Variants in TEX36 observed in about 807,000 individuals in gnomAD.
The protein encoded by TEX36 is testis-expressed protein 36.
A neutral mutation model predicts 13.6 loss-of-function variants in TEX36; 12 were observed. The observed-to-expected ratio is 0.88, with a 90% CI of 0.56 to 1.43. TEX36 has a LOEUF of 1.43. TEX36 is among the 40% of genes most tolerant of loss of function. The pLI, the probability that TEX36 is intolerant of heterozygous loss-of-function variation, is 0.00. For missense variants in TEX36, 224 were observed against 228.3 expected, an observed-to-expected ratio of 0.98 and a Z score of 0.12; for synonymous variants, 93 against 83.0, an observed-to-expected ratio of 1.12 and a Z score of -0.65.
intron 1 of TEX36, among the ~76,000 whole-genome samples, chr10:125,681,745 CACAT>C (rs1257304039): frequency 6.6e-6 from 1 of 152,140 alleles, no homozygotes; most frequent in Non-Finnish European, 1.5e-5. Context: ...CGTATATGTA[CACAT>C]ACATACAAAG....
At chr10:125,663,646 T>G (rs1296409405) in intron 1 of TEX36, among the ~76,000 whole-genome samples, 1 of 152,236 alleles carries the variant, frequency 6.6e-6, no homozygotes, top group Non-Finnish European at 1.5e-5. Context: ...CCCCTGATGA[T>G]TAGTGATGTT....
At chr10:125,584,595 G>GT (rs1845921070) in intron 3 of TEX36, among the ~76,000 whole-genome samples, 1 of 152,188 alleles carries the variant, frequency 6.6e-6, no homozygotes, top group Non-Finnish European at 1.5e-5. Context: ...GCTAATTAAG[G>GT]TTAAATGACA....
intron 3 of TEX36, among the ~76,000 whole-genome samples, chr10:125,611,192 C>T (rs997161198): frequency 6.6e-5 from 10 of 152,162 alleles, no homozygotes; most frequent in Non-Finnish European, 1.5e-4. Context: ...GGTTAATATC[C>T]TTCACGCAAT....
At chr10:125,676,734 G>T (rs1455921632) in intron 1 of TEX36, among the ~76,000 whole-genome samples, 1 of 151,914 alleles carries the variant, frequency 6.6e-6, no homozygotes, top group East Asian at 1.9e-4. Flanking sequence ...GTGGTTCGGT[G>T]GATTTCTGTA....
In TEX36 at chr10:125,682,930, C is replaced by G. The variant is rs975291570; in HGVS notation, c.51+9G>C. The G allele has an allele frequency of 6.4e-7, 1 of 1,551,770 alleles. No homozygotes were observed. The highest frequency in any genetic ancestry group is 1.7e-4 in the Middle Eastern group (1 of 5,992). ...TGAGAAAGGCACCAGGGGCCACCAT[C>G]TTCCTTACCCATCTCCCATCCTTGT... On this transcript the variant is annotated intron_variant, in intron 1 of 3. Coordinates refer to ENST00000368821, the MANE Select transcript of TEX36 (RefSeq NM_001128202.3).
intron 3 of TEX36, among the ~76,000 whole-genome samples, chr10:125,635,568 T>A (rs1393193119): frequency 6.6e-6 from 1 of 152,158 alleles, no homozygotes; most frequent in Non-Finnish European, 1.5e-5. Context: ...AGGCAGGGCA[T>A]CTCGTGCTGG....
At chr10:125,675,181 C>T (rs1847292593) in intron 1 of TEX36, among the ~76,000 whole-genome samples, 1 of 152,220 alleles carries the variant, frequency 6.6e-6, no homozygotes, top group Non-Finnish European at 1.5e-5. Flanking sequence ...CCAGCTTAAA[C>T]AGGCAGTCTG....
At chr10:125,584,113 C>T (rs530465556) in intron 3 of TEX36, among the ~76,000 whole-genome samples, 2 of 152,356 alleles carry the variant, frequency 1.3e-5, no homozygotes, top group African/African-American at 4.8e-5. Flanking sequence ...ACATGAAAGA[C>T]CACCTCGAGA....
chr10:125,625,744 C>T (rs776758716), intron 3 of TEX36, among the ~76,000 whole-genome samples: 10 of 152,256 alleles, frequency 6.6e-5, no homozygotes, highest in Non-Finnish European at 1.5e-4. Flanking sequence ...ACCCCAGAGG[C>T]GCAGCCCTGG....
chr10:125,644,428 A>C (rs552092354), intron 3 of TEX36, among the ~76,000 whole-genome samples: 1 of 152,090 alleles, frequency 6.6e-6, no homozygotes, highest in Non-Finnish European at 1.5e-5. Flanking sequence ...GAAAACTGAA[A>C]ATAAAAAAAA....
intron 3 of TEX36, among the ~76,000 whole-genome samples, chr10:125,630,581 G>A (rs1846540303): frequency 6.6e-6 from 1 of 152,170 alleles, no homozygotes; most frequent in African/African-American, 2.4e-5. Flanking sequence ...GACACAAAGG[G>A]CCAGTTCTTA....
At chr10:125,603,700 C>T (rs143719645) in intron 3 of TEX36, among the ~76,000 whole-genome samples, 119 of 152,244 alleles carry the variant, frequency 7.8e-4, no homozygotes, top group African/African-American at 2.8e-3. Flanking sequence ...CAGTGCCAGG[C>T]GTCAAAAGGA....
chr10:125,609,264 C>T lies in TEX36; in HGVS notation c.265-32390G>A, dbSNP rs1846260388. On this transcript the variant is annotated intron_variant, in intron 3 of 3. Coordinates refer to the TEX36 transcript ENST00000532135. Reference sequence around the variant, plus strand: ...GTGGAGTTGTGTGGTTGGTTGGTGGCCCTATGTTTTGTTTTGACAATTCAA... The same window carrying T: ...GTGGAGTTGTGTGGTTGGTTGGTGGTCCTATGTTTTGTTTTGACAATTCAA... 5.9e-5 allele frequency among the ~76,000 whole-genome samples: 9 copies of T among 152,004 alleles called. No individual in the cohort carries two copies. The South Asian group carries it at 1.9e-3, about 32-fold the overall frequency.
intron 3 of TEX36, among the ~76,000 whole-genome samples, chr10:125,634,323 C>T (rs1002541877): frequency 1.3e-5 from 2 of 152,128 alleles, no homozygotes; most frequent in Admixed American, 6.6e-5. Context: ...GTGACCTGAC[C>T]TCATTTACCT....
intron 3 of TEX36, among the ~76,000 whole-genome samples, chr10:125,635,918 G>A (rs554370465): frequency 5.3e-5 from 8 of 152,118 alleles, no homozygotes; most frequent in African/African-American, 1.9e-4. Flanking sequence ...CTGTCACCCA[G>A]CCTCGAGTGC....
At chr10:125,663,434 A>G (rs376761374) in intron 1 of TEX36, among the ~76,000 whole-genome samples, 11 of 152,214 alleles carry the variant, frequency 7.2e-5, no homozygotes, top group Admixed American at 6.5e-5. Context: ...TGCTGGATCA[A>G]ATGGTAATTT....
chr10:125,610,957 G>A (rs531053737), intron 3 of TEX36, among the ~76,000 whole-genome samples: 1 of 152,144 alleles, frequency 6.6e-6, no homozygotes, highest in African/African-American at 2.4e-5. Context: ...CGAGTCATAG[G>A]TGCTATCTTA....
intron 3 of TEX36, among the ~76,000 whole-genome samples, chr10:125,646,857 C>T (rs762169223): frequency 1.5e-4 from 23 of 152,160 alleles, no homozygotes; most frequent in East Asian, 1.9e-4. Flanking sequence ...GATTTGCACC[C>T]GAAAACAGCC....
intron 3 of TEX36, among the ~76,000 whole-genome samples, chr10:125,612,150 C>G (rs986016352): frequency 6.8e-6 from 1 of 146,932 alleles, no homozygotes; most frequent in African/African-American, 2.5e-5. Context: ...AGGTGGCAAT[C>G]TTGGCTCACT....
Sources: allele counts gnomAD v4.1 joint callset (sites outside exome capture counted in the v4.1 genomes callset), GRCh38; gene constraint gnomAD v4.1.1; transcripts MANE v1.5; gene names NCBI Gene and HGNC (gene_info 2026-07-23, HGNC 2026-07-21).